DPPA2: variants seen among roughly 807,000 people sequenced by gnomAD.
DPPA2 encodes the protein developmental pluripotency associated 2, also known as developmental pluripotency-associated protein 2.
Under a neutral mutation model 36.2 loss-of-function variants are expected in DPPA2, and 26 were observed. That is an observed-to-expected ratio of 0.72 (90% CI 0.53 to 1.00). The LOEUF is 1.00. Ranked by LOEUF, DPPA2 falls within the 50% of genes least tolerant of loss-of-function variation. The pLI is 0.00. For synonymous variants in DPPA2, 113 were observed against 123.2 expected (o/e 0.92, Z 0.55); for missense variants, 361 against 365.1 (o/e 0.99, Z 0.09).
rs765421702 is a variant in DPPA2 at position 109,300,415 on chromosome 3, C to G, written c.875G>C (p.Arg292Thr). The change falls in exon 8 of 9, where the codon AGA becomes ACA. Residue 292 changes from arginine to threonine, a missense_variant. Coordinates refer to ENST00000478945, the MANE Select transcript of DPPA2 (RefSeq NM_138815.4). The stretch of plus-strand genomic sequence containing the variant: ...CTGCTACTTCTCTACTGTCATTAAT[C>G]TTTTCATCATCTTCTTATTCCTGTA... ...CAKRNKKMMK[R>T]LMTVEK is the part of the protein sequence containing the mutation. The G allele has an allele frequency of 1.1e-5, 18 of 1,613,996 alleles. No individual in the cohort carries two copies. The highest frequency in any genetic ancestry group is 5.0e-5 in the Admixed American group (3 of 60,010).
chr3:109,312,493 G>T, intron 3 of DPPA2, 52 bp downstream of exon 3: 1 of 1,557,396 alleles, frequency 6.4e-7, no homozygotes. Context: ...ACTTTTTCCT[G>T]GGCTTCCCAG....
intron 6 of DPPA2, among the ~76,000 whole-genome samples, chr3:109,305,142 A>T (rs1707532850): frequency 6.6e-6 from 1 of 152,122 alleles, no homozygotes; most frequent in Non-Finnish European, 1.5e-5. Flanking sequence ...GCAAAACTCC[A>T]TCTCAAAAAA....
intron 3 of DPPA2, among the ~76,000 whole-genome samples, chr3:109,311,001 C>T (rs1477915268): frequency 6.6e-6 from 1 of 151,756 alleles, no homozygotes. Flanking sequence ...AGGGTTTCTC[C>T]ATGTTGGCCA....
intron 7 of DPPA2, among the ~76,000 whole-genome samples, chr3:109,303,188 C>T (rs980909896): frequency 1.3e-5 from 2 of 152,132 alleles, no homozygotes; most frequent in African/African-American, 4.8e-5. Context: ...CTTGGCCTCC[C>T]CAGGTGCTGG....
chr3:109,315,312 TG>T (rs1707770333), intron 1 of DPPA2, among the ~76,000 whole-genome samples: 1 of 152,114 alleles, frequency 6.6e-6, no homozygotes, highest in Non-Finnish European at 1.5e-5. Flanking sequence ...ATTTAAATTG[TG>T]GGGGTTGGAT....
At chr3:109,300,887 G>A (rs1187801734) in intron 7 of DPPA2, among the ~76,000 whole-genome samples, 2 of 150,762 alleles carry the variant, frequency 1.3e-5, no homozygotes, top group South Asian at 2.1e-4. Context: ...TAAAACCTAG[G>A]AATGGTGCAC....
intron 3 of DPPA2, among the ~76,000 whole-genome samples, 164 bp from the exon 4 acceptor site, chr3:109,309,494 T>G (rs972511428): frequency 7.4e-5 from 11 of 149,566 alleles, no homozygotes; most frequent in Admixed American, 6.7e-5. Context: ...GAGACCATCC[T>G]GGCTAACATG....
At chr3:109,302,734 G>T (rs986728064) in intron 7 of DPPA2, among the ~76,000 whole-genome samples, 6 of 144,034 alleles carry the variant, frequency 4.2e-5, no homozygotes, top group African/African-American at 1.6e-4. Context: ...TTACAGGTGT[G>T]AGCCGATTTA....
chr3:109,307,312 G>A (rs1249199872), intron 6 of DPPA2, among the ~76,000 whole-genome samples: 2 of 151,744 alleles, frequency 1.3e-5, no homozygotes, highest in African/African-American at 2.4e-5. Context: ...TTATATAACA[G>A]GATACTTGGC....
At chr3:109,298,609 G>C (rs942290976) in intron 8 of DPPA2, among the ~76,000 whole-genome samples, 10 of 151,496 alleles carry the variant, frequency 6.6e-5, no homozygotes, top group African/African-American at 2.2e-4. Context: ...CCAGCTACTC[G>C]GAAGGCTGAG....
intron 8 of DPPA2, among the ~76,000 whole-genome samples, chr3:109,297,486 T>G (rs1015367092): frequency 7.3e-5 from 11 of 151,688 alleles, no homozygotes; most frequent in Non-Finnish European, 1.5e-4. Context: ...ATCACGCCAC[T>G]GCACTCCAGC....
chr3:109,308,449 G>A (rs1466481355), intron 5 of DPPA2, among the ~76,000 whole-genome samples, 156 bp from the exon 6 acceptor site: 2 of 151,882 alleles, frequency 1.3e-5, no homozygotes, highest in Non-Finnish European at 2.9e-5. Context: ...CGCAACCTCC[G>A]CCTCCCAGGT....
chr3:109,314,636 T>TTTCC, intron 1 of DPPA2, 81 bp from the exon 2 acceptor site: 1 of 1,373,396 alleles, frequency 7.3e-7, no homozygotes, highest in Non-Finnish European at 1.0e-6. Context: ...TAAGCAAATG[T>TTTCC]TTCCTTCTAC....
At chr3:109,298,946 T>C (rs1707407998) in intron 8 of DPPA2, among the ~76,000 whole-genome samples, 1 of 151,846 alleles carries the variant, frequency 6.6e-6, no homozygotes, top group African/African-American at 2.4e-5. Flanking sequence ...CTTGGGAGGC[T>C]GAGGTGAGAG....
chr3:109,300,728 C>T (rs953919917), intron 7 of DPPA2, among the ~76,000 whole-genome samples: 5 of 130,544 alleles, frequency 3.8e-5, no homozygotes, highest in Admixed American at 1.5e-4. Flanking sequence ...AGGCTGAGAC[C>T]GGATAATTGT....
At chr3:109,300,232 CAA>C in intron 8 of DPPA2, 137 bp downstream of exon 8, 3 of 677,192 alleles carry the variant, frequency 4.4e-6, no homozygotes, top group Non-Finnish European at 5.1e-6. Flanking sequence ...AGACAGCAGA[CAA>C]GAGACTTTGA....
intron 6 of DPPA2, 133 bp from the exon 7 acceptor site, chr3:109,304,803 AC>A: frequency 1.2e-6 from 1 of 825,616 alleles, no homozygotes; most frequent in Non-Finnish European, 1.9e-6. Context: ...GAAAACCTAG[AC>A]CACATGACAC....
At chr3:109,307,130 G>A (rs138106677) in intron 6 of DPPA2, among the ~76,000 whole-genome samples, 1 of 151,516 alleles carries the variant, frequency 6.6e-6, no homozygotes, top group Non-Finnish European at 1.5e-5. Flanking sequence ...CACCATGCCC[G>A]GCTTTTTTTC....
chr3:109,312,480 C>G, intron 3 of DPPA2, 65 bp downstream of exon 3: 4 of 1,540,454 alleles, frequency 2.6e-6, no homozygotes, highest in Non-Finnish European at 3.5e-6. Flanking sequence ...AAAGACAAAT[C>G]TTACTTTTTC....
Sources: gnomAD v4.1 joint callset for allele counts (sites outside exome capture counted in the v4.1 genomes callset) on GRCh38, gnomAD v4.1.1 for gene constraint, MANE v1.5 for transcripts, NCBI Gene and HGNC (gene_info 2026-07-23, HGNC 2026-07-21) for gene names.